The following DCAF10 variants were observed in gnomAD, a reference collection of about 807,000 sequenced individuals.
DCAF10 encodes the protein DDB1 and CUL4 associated factor 10.
In DCAF10, 19 loss-of-function variants were observed where a neutral mutation model predicts 51.9. The ratio of observed to expected loss-of-function variants is 0.37; its 90% CI spans 0.26 to 0.54. The LOEUF (loss-of-function observed/expected upper bound fraction) is 0.54. Ranked by LOEUF, DCAF10 falls within the 20% of genes least tolerant of loss-of-function variation. The probability of loss-of-function intolerance (pLI) is 0.87; values close to 1 mark genes in which losing one functional copy is unlikely to be tolerated. For missense variants in DCAF10, 510 were observed against 730.6 expected, an observed-to-expected ratio of 0.70 and a Z score of 3.48; for synonymous variants, 291 against 297.1, an observed-to-expected ratio of 0.98 and a Z score of 0.21.
intron 2 of DCAF10, 112 bp downstream of exon 2, chr9:37,819,513 C>A: frequency 1.6e-6 from 1 of 645,060 alleles, no homozygotes; most frequent in Non-Finnish European, 2.6e-6. Flanking sequence ...GCTAGATGAT[C>A]CACATTGTGA....
rs1243042301 is a variant in DCAF10, at chr9:37,861,037, A to G, written c.1312-103A>G. ...TTATTCTGAGTGATTTCTTGTAAAA[A>G]TTCTGTGGCTTTGGCAATCTGTTGA... On this transcript the variant is annotated intron_variant, in intron 6 of 6. Transcript: ENST00000377724. This position sits in a 1 kb window ranked among gnomAD's most constrained non-coding sequence, Gnocchi z 4.9. The G allele has an allele frequency of 6.9e-7, 1 of 1,456,640 alleles. No individual in the cohort carries two copies. The highest frequency in any genetic ancestry group is 1.4e-5 in the African/African-American group (1 of 70,756). The allele number at this position is 1,456,640 out of a possible 1,614,324, so 90.2% of individuals were successfully genotyped here. A position where few individuals can be genotyped will look rare whatever the true frequency, so the allele number is the denominator to read the frequency against.
intron 3 of DCAF10, among the ~76,000 whole-genome samples, chr9:37,845,606 T>C (rs1194821401): frequency 6.6e-6 from 1 of 152,190 alleles, no homozygotes; most frequent in Non-Finnish European, 1.5e-5. Context: ...TTGAACTTCT[T>C]CCATACCAAT....
At chr9:37,822,546 A>T (rs1222402723) in intron 2 of DCAF10, among the ~76,000 whole-genome samples, 2 of 151,818 alleles carry the variant, frequency 1.3e-5, no homozygotes, top group Non-Finnish European at 2.9e-5. Context: ...TCAGGAATGG[A>T]AAACCAAACA....
At position 37,865,073 on chromosome 9, in the gene DCAF10, T is replaced by C. The variant is rs1831109410; in HGVS notation, c.*3565T>C. The C allele has an allele frequency of 6.6e-6, 1 of 151,928 alleles. No individual in the cohort carries two copies. Among genetic ancestry groups the C allele is most frequent in the Admixed American group, 6.6e-5 (1 of 15,246 alleles). 9.4% of individuals were successfully genotyped at this position (151,928 alleles called of 1,614,324 possible). A position where few individuals can be genotyped will look rare whatever the true frequency, so the allele number is the denominator to read the frequency against. ...GGCCTGTTATTTGTTTAGTATCTTC[T>C]GGATTTTTTTTTTTTAATTATAGAG... On this transcript the variant is annotated 3_prime_UTR_variant, in exon 7 of 7. Coordinates refer to ENST00000377724, the MANE Select transcript of DCAF10 (RefSeq NM_024345.5).
intron 1 of DCAF10, among the ~76,000 whole-genome samples, chr9:37,814,446 C>G (rs918447267): frequency 8.6e-5 from 13 of 150,958 alleles, no homozygotes; most frequent in African/African-American, 3.2e-4. Flanking sequence ...CCACGCCTGG[C>G]CTTCAATTTT....
chr9:37,817,984 A>G (rs1829592741), intron 1 of DCAF10, among the ~76,000 whole-genome samples: 1 of 152,046 alleles, frequency 6.6e-6, no homozygotes, highest in South Asian at 2.1e-4. Flanking sequence ...TAGTAAATAA[A>G]GAAAAGATTT....
chr9:37,827,921 A>G (rs1345564061), intron 2 of DCAF10, among the ~76,000 whole-genome samples: 1 of 152,076 alleles, frequency 6.6e-6, no homozygotes, highest in Non-Finnish European at 1.5e-5. Flanking sequence ...GTCTCCCTCT[A>G]TTTTAGAGAC....
chr9:37,847,385 G>A (rs935009766), intron 3 of DCAF10, among the ~76,000 whole-genome samples: 1 of 151,420 alleles, frequency 6.6e-6, no homozygotes, highest in African/African-American at 2.4e-5. Flanking sequence ...ATCACCAAGT[G>A]GAATTTATCC....
chr9:37,808,699 A>G (rs867374463), intron 1 of DCAF10, among the ~76,000 whole-genome samples: 77 of 1,584 alleles, frequency 0.049, no homozygotes, highest in Middle Eastern at 0.25. Flanking sequence ...ATATATTTAT[A>G]TATTTATATT....
chr9:37,860,124 G>A lies in DCAF10; in HGVS notation c.1242G>A (p.Thr414=), dbSNP rs370727554. The change falls in exon 6 of 7, where the codon ACG becomes ACA. Residue 414 remains threonine, a synonymous_variant. Transcript: ENST00000377724. The part of the protein sequence containing the change: ...LGESDHGNCI[T]SLQLHPKGWA... ...AGAGTGACCACGGAAACTGCATCAC[G>A]TCCTTACAGCTGCACCCAAAAGGCT... is the stretch of plus-strand genomic sequence containing the variant. 6.9e-5 allele frequency: 111 copies of A among 1,613,932 alleles called. No homozygotes were observed. Among genetic ancestry groups the A allele is most frequent in the Non-Finnish European group, 8.6e-5 (101 of 1,180,022 alleles).
intron 2 of DCAF10, among the ~76,000 whole-genome samples, chr9:37,835,494 A>T (rs753438007): frequency 1.3e-5 from 2 of 151,804 alleles, no homozygotes; most frequent in Non-Finnish European, 2.9e-5. Flanking sequence ...CAGGAGAATG[A>T]CTTGAGCCCG....
At chr9:37,845,502 G>T (rs1054903135) in intron 3 of DCAF10, among the ~76,000 whole-genome samples, 3 of 152,122 alleles carry the variant, frequency 2.0e-5, no homozygotes, top group African/African-American at 7.2e-5. Flanking sequence ...TAGCAAAACT[G>T]GCCAAGGAAG....
chr9:37,855,176 A>C (rs747886248), intron 4 of DCAF10, among the ~76,000 whole-genome samples, 194 bp downstream of exon 4: 2 of 152,212 alleles, frequency 1.3e-5, no homozygotes, highest in African/African-American at 2.4e-5. Context: ...CATATCATTC[A>C]TATGTACCTC....
At chr9:37,834,583 C>T (rs1335201238) in intron 2 of DCAF10, among the ~76,000 whole-genome samples, 2 of 152,170 alleles carry the variant, frequency 1.3e-5, no homozygotes, top group Non-Finnish European at 2.9e-5. Flanking sequence ...TTCCTTAAAA[C>T]TCTCAGACCA....
In DCAF10 at chr9:37,861,318, T is replaced by C; in HGVS notation, c.1490T>C (p.Leu497Ser). 6.2e-7 allele frequency: 1 copy of C among 1,614,150 alleles called. No homozygotes were observed. The highest frequency in any genetic ancestry group is 1.1e-5 in the South Asian group (1 of 91,084). ...ISSPHGYGIR[L>S]LGFDKQCSEL... ...TCCCCACATGGCTATGGGATTCGCT[T>C]GTTGGGATTTGACAAACAGTGCAGT... is the stretch of plus-strand genomic sequence containing the variant. Residue 497 changes from leucine (L) to serine (S), a missense_variant, in exon 7 of 7, where the codon TTG becomes TCG. By Grantham distance (145) the Leu-to-Ser change is moderately radical. This residue lies in a region of DCAF10 where 104 missense variants were observed against 206.2 expected (regional missense o/e 0.50). Coordinates refer to ENST00000377724, the MANE Select transcript of DCAF10 (RefSeq NM_024345.5). This position sits in a 1 kb window ranked among gnomAD's most constrained non-coding sequence, Gnocchi z 4.9.
At chr9:37,817,755 C>T (rs959798472) in intron 1 of DCAF10, among the ~76,000 whole-genome samples, 2 of 152,034 alleles carry the variant, frequency 1.3e-5, no homozygotes, top group African/African-American at 2.4e-5. Flanking sequence ...AAAAGTCTCC[C>T]AGAATCATTG....
In DCAF10 at chr9:37,854,983, G is replaced by A; in HGVS notation, c.1054+1G>A. The A allele has an allele frequency of 6.3e-7, 1 of 1,594,524 alleles. No homozygotes were observed. The highest frequency in any genetic ancestry group is 8.5e-7 in the Non-Finnish European group (1 of 1,174,038). On this transcript the variant is annotated splice_donor_variant, in intron 4 of 6. Transcript: ENST00000377724. LOFTEE classifies it high-confidence loss of function. Reference sequence around the variant, plus strand: ...GCAAGAAGAACTACTTCAAGTTCAGGTAAGCTTTTCTTTTTTGGTCAAAAA... The same window carrying A: ...GCAAGAAGAACTACTTCAAGTTCAGATAAGCTTTTCTTTTTTGGTCAAAAA...
At chr9:37,849,476 C>T (rs7038100) in intron 3 of DCAF10, among the ~76,000 whole-genome samples, 1 of 151,884 alleles carries the variant, frequency 6.6e-6, no homozygotes, top group East Asian at 1.9e-4. Flanking sequence ...GGTCAGGCAC[C>T]GTGGCTCATG....
At chr9:37,807,846 G>C (rs1829169217) in intron 1 of DCAF10, among the ~76,000 whole-genome samples, 1 of 151,802 alleles carries the variant, frequency 6.6e-6, no homozygotes, top group Non-Finnish European at 1.5e-5. Flanking sequence ...ATTTTTAGTA[G>C]AGATGAGGTT....
Sources: gnomAD v4.1 joint callset for allele counts (sites outside exome capture counted in the v4.1 genomes callset) on GRCh38, gnomAD v4.1.1 for gene constraint, gnomAD v4.1.1 regional missense constraint, Gnocchi (gnomAD v3.1) non-coding constraint, MANE v1.5 for transcripts, NCBI Gene and HGNC (gene_info 2026-07-23, HGNC 2026-07-21) for gene names.